DLGAP1: variants seen among roughly 807,000 people sequenced by gnomAD.
DLGAP1 encodes the protein DLG associated protein 1.
DLGAP1 carries 11 observed loss-of-function variants against 90.8 expected under a neutral mutation model. The observed-to-expected ratio is 0.12, with a 90% confidence interval of 0.08 to 0.20. The LOEUF (loss-of-function observed/expected upper bound fraction) is 0.20. DLGAP1 is among the 10% of genes least tolerant of loss of function. DLGAP1 has a pLI of 1.00. For missense variants in DLGAP1, 1,050 were observed against 1,333.8 expected (o/e 0.79, Z 3.31); for synonymous variants, 558 against 540.7 (o/e 1.03, Z -0.44).
rs35493688 is a variant in DLGAP1, at chr18:3,895,280, TACACACACACAC to T, written c.-72-15152_-72-15141del. On this transcript the variant is annotated intron_variant, in intron 3 of 12. Coordinates refer to ENST00000315677, the MANE Select transcript of DLGAP1 (RefSeq NM_004746.4). ...CATTGTATTTCCCTTGGATGTTTATTACACACACACACACACACACACACACACACACACACA... is the reference window on the plus strand; with the variant it reads ...CATTGTATTTCCCTTGGATGTTTATTACACACACACACACACACACACACA... Among the ~76,000 whole-genome samples the T allele has an allele frequency of 6.7e-3, 919 of 137,364 alleles. 15 individuals are homozygous for T. The highest frequency in any genetic ancestry group is 0.022 in the African/African-American group (817 of 36,824). The allele number at this position is 137,364 out of a possible 152,430, so 90.1% of individuals were successfully genotyped here. A position where few individuals can be genotyped will look rare whatever the true frequency, so the allele number is the denominator to read the frequency against.
At chr18:3,547,571 C>T (rs537359) in intron 9 of DLGAP1, among the ~76,000 whole-genome samples, 79,599 of 148,714 alleles carry the variant, frequency 0.54, 25,571 homozygotes, top group Non-Finnish European at 0.69. Context: ...TGACATGCCA[C>T]TTCATACCCA....
At chr18:3,820,113 T>C (rs562448301) in intron 4 of DLGAP1, among the ~76,000 whole-genome samples, 3 of 152,264 alleles carry the variant, frequency 2.0e-5, no homozygotes, top group South Asian at 2.1e-4. Context: ...GATGAAGCCA[T>C]GTGCACGTGA....
chr18:3,892,398 T>C (rs2071493711), intron 3 of DLGAP1, among the ~76,000 whole-genome samples: 2 of 152,178 alleles, frequency 1.3e-5, no homozygotes, highest in Non-Finnish European at 2.9e-5. Context: ...GGGCTCCTTG[T>C]ATTCTTCCCC....
intron 8 of DLGAP1, among the ~76,000 whole-genome samples, chr18:3,570,213 C>T (rs1182115144): frequency 6.6e-6 from 1 of 151,862 alleles, no homozygotes; most frequent in Non-Finnish European, 1.5e-5. Context: ...AAGTGACATA[C>T]ATATAAAGAC....
chr18:4,193,061 G>A (rs944832749), intron 1 of DLGAP1, among the ~76,000 whole-genome samples: 3 of 152,076 alleles, frequency 2.0e-5, no homozygotes, highest in Non-Finnish European at 4.4e-5. Context: ...TGTCATTTGC[G>A]CAGGCTACTG....
chr18:3,524,880 G>GTA (rs2051499547), intron 10 of DLGAP1, among the ~76,000 whole-genome samples: 2 of 152,174 alleles, frequency 1.3e-5, no homozygotes, highest in Non-Finnish European at 2.9e-5. Flanking sequence ...ACACACTTGT[G>GTA]ATCCGGAGCT....
At chr18:4,312,949 G>A (rs2080437735) in intron 1 of DLGAP1, among the ~76,000 whole-genome samples, 4 of 152,136 alleles carry the variant, frequency 2.6e-5, no homozygotes, top group Admixed American at 2.0e-4. Flanking sequence ...GCCAGGACAT[G>A]CACACACAAA....
chr18:3,703,274 G>C (rs2061337496), intron 7 of DLGAP1, among the ~76,000 whole-genome samples: 1 of 152,226 alleles, frequency 6.6e-6, no homozygotes, highest in Admixed American at 6.5e-5. Context: ...TGCCAACTGA[G>C]AGCCTTTGAT....
chr18:4,308,624 T>C (rs866268645), intron 1 of DLGAP1, among the ~76,000 whole-genome samples: 2 of 152,290 alleles, frequency 1.3e-5, no homozygotes, highest in Middle Eastern at 3.4e-3. Flanking sequence ...ACACAAGGAC[T>C]ACCCCCAAAC....
intron 1 of DLGAP1, among the ~76,000 whole-genome samples, chr18:4,288,134 A>C (rs2079750408): frequency 6.6e-6 from 1 of 152,130 alleles, no homozygotes; most frequent in African/African-American, 2.4e-5. Context: ...ACATATGTAT[A>C]CATGTGCCAT....
At chr18:3,936,550 T>C (rs1008878913) in intron 3 of DLGAP1, among the ~76,000 whole-genome samples, 1 of 152,274 alleles carries the variant, frequency 6.6e-6, no homozygotes, top group Non-Finnish European at 1.5e-5. Flanking sequence ...TTAGCCATTA[T>C]TTCCCAACAA....
At chr18:3,899,391 C>T (rs1460691758) in intron 3 of DLGAP1, among the ~76,000 whole-genome samples, 3 of 152,302 alleles carry the variant, frequency 2.0e-5, no homozygotes, top group South Asian at 2.1e-4. Flanking sequence ...GATCAACTGG[C>T]GCTGGCAAGA....
rs532697817 is a variant in DLGAP1 at position 4,033,886 on chromosome 18, G to A, written c.-158-28685C>T. On this transcript the variant is annotated intron_variant, in intron 2 of 12. Coordinates refer to ENST00000315677, the MANE Select transcript of DLGAP1 (RefSeq NM_004746.4). ...CCCGAGTAGCCGGGACTACAGGTGC[G>A]TGCCACCATGCCTGGCTAATTTTTA... Among the ~76,000 whole-genome samples, 9 of 148,482 alleles carry A rather than the reference G, an allele frequency of 6.1e-5. No homozygotes were observed. In the South Asian group the frequency reaches 8.6e-4, roughly 14 times the overall value.
At chr18:4,255,118 A>G (rs2078862326) in intron 1 of DLGAP1, among the ~76,000 whole-genome samples, 1 of 152,196 alleles carries the variant, frequency 6.6e-6, no homozygotes, top group South Asian at 2.1e-4. Flanking sequence ...ACGCCCGATT[A>G]AAACCTCTGC....
At chr18:4,244,659 C>T (rs2145152416) in intron 1 of DLGAP1, among the ~76,000 whole-genome samples, 1 of 152,232 alleles carries the variant, frequency 6.6e-6, no homozygotes, top group East Asian at 1.9e-4. Flanking sequence ...ATTTAAGAGA[C>T]AATGGATCAG....
intron 5 of DLGAP1, among the ~76,000 whole-genome samples, chr18:3,804,005 AT>A (rs2066447924): frequency 3.2e-5 from 2 of 61,928 alleles, no homozygotes; most frequent in South Asian, 1.0e-3. Context: ...TATATATATA[AT>A]TTTTTTTGAG....
At chr18:3,656,031 G>A (rs892533709) in intron 7 of DLGAP1, 3 of 1,494,348 alleles carry the variant, frequency 2.0e-6, no homozygotes, top group African/African-American at 2.8e-5. Context: ...TACAAGCCAC[G>A]CTATGCAACC....
chr18:4,126,248 A>C (rs1412127048), intron 2 of DLGAP1, among the ~76,000 whole-genome samples: 2 of 152,216 alleles, frequency 1.3e-5, no homozygotes, highest in East Asian at 3.8e-4. Flanking sequence ...TATATTATTA[A>C]ACACTTTGTC....
chr18:3,927,121 A>G (rs1422120487), intron 3 of DLGAP1, among the ~76,000 whole-genome samples: 1 of 152,252 alleles, frequency 6.6e-6, no homozygotes, highest in Non-Finnish European at 1.5e-5. Flanking sequence ...AATGGATCTC[A>G]ACAAATGAAT....
Sources: allele counts gnomAD v4.1 joint callset (sites outside exome capture counted in the v4.1 genomes callset), GRCh38; gene constraint gnomAD v4.1.1; transcripts MANE v1.5; gene names NCBI Gene and HGNC (gene_info 2026-07-23, HGNC 2026-07-21).